The following PID1 variants were observed in gnomAD, a reference collection of about 807,000 sequenced individuals.
PID1 encodes the protein phosphotyrosine interaction domain containing 1.
PID1 carries 10 observed loss-of-function variants against 19.1 expected under a neutral mutation model. The observed-to-expected ratio is 0.52, with a 90% confidence interval of 0.32 to 0.89. The LOEUF is 0.89. Among genes scored for constraint, PID1 ranks in the 40% least tolerant of loss-of-function variants. The pLI is 0.03. For missense variants in PID1, 248 were observed against 285.3 expected (o/e 0.87, Z 0.94); for synonymous variants, 130 against 116.0 (o/e 1.12, Z -0.78).
chr2:229,058,543 A>G (rs1011965630), intron 2 of PID1, among the ~76,000 whole-genome samples: 3 of 152,206 alleles, frequency 2.0e-5, no homozygotes, highest in East Asian at 1.9e-4. Flanking sequence ...TGCATCATAT[A>G]TTCTGTAACT....
intron 2 of PID1, among the ~76,000 whole-genome samples, chr2:229,059,317 A>G (rs975402729): frequency 1.4e-4 from 21 of 152,238 alleles, no homozygotes; most frequent in Non-Finnish European, 1.9e-4. Flanking sequence ...TGAAAAAAGA[A>G]AAACTAAAGC....
chr2:229,094,715 A>G (rs912868736), intron 2 of PID1, among the ~76,000 whole-genome samples: 2 of 152,122 alleles, frequency 1.3e-5, no homozygotes, highest in Non-Finnish European at 2.9e-5. Flanking sequence ...ATGGTGATGG[A>G]AAAACTGAAT....
intron 2 of PID1, among the ~76,000 whole-genome samples, chr2:229,040,928 C>G (rs1215172758): frequency 1.3e-5 from 2 of 152,112 alleles, no homozygotes; most frequent in Non-Finnish European, 2.9e-5. Flanking sequence ...TACAAATATG[C>G]AAAGCAGGGA....
chr2:229,271,171 A>G lies in PID1; in HGVS notation c.-128T>C. The G allele has an allele frequency of 1.9e-6, 2 of 1,079,514 alleles. No individual in the cohort carries two copies. Among genetic ancestry groups the G allele is most frequent in the Non-Finnish European group, 2.6e-6 (2 of 757,974 alleles). 66.9% of individuals were successfully genotyped at this position (1,079,514 alleles called of 1,614,324 possible). A position where few individuals can be genotyped will look rare whatever the true frequency, so the allele number is the denominator to read the frequency against. ...CGGGATGTGCGTCCTGGCGCTGGCC[A>G]CCGCCGCCGGGTGGGCGTAGGGGGC... On this transcript the variant is annotated 5_prime_UTR_variant, in exon 1 of 3. Coordinates refer to ENST00000392055, the MANE Select transcript of PID1 (RefSeq NM_001100818.2).
In PID1 at chr2:229,068,708, T is replaced by C. The variant is rs562902231; in HGVS notation, c.178-42600A>G. Among the ~76,000 whole-genome samples the C allele has an allele frequency of 1.3e-4, 20 of 152,302 alleles. No homozygotes were observed. In the South Asian group the frequency reaches 3.9e-3, roughly 30 times the overall value. ...AGCATGGAGCGGATCAGAGAAGTTA[T>C]GTTCCATGGACACAGGAAGCCGCCC... On this transcript the variant is annotated intron_variant, in intron 2 of 2. Coordinates refer to ENST00000392055, the MANE Select transcript of PID1 (RefSeq NM_001100818.2).
chr2:229,052,112 T>C (rs919104691), intron 2 of PID1, among the ~76,000 whole-genome samples: 1 of 152,180 alleles, frequency 6.6e-6, no homozygotes, highest in African/African-American at 2.4e-5. Context: ...TCCACTTCTC[T>C]ATTTCCAAAT....
chr2:229,034,326 C>A (rs576717426), intron 2 of PID1, among the ~76,000 whole-genome samples: 68 of 152,154 alleles, frequency 4.5e-4, no homozygotes, highest in Non-Finnish European at 8.5e-4. Context: ...AGGTACTTGG[C>A]TAAATGCTTT....
At chr2:229,163,601 T>C (rs577419430) in intron 1 of PID1, among the ~76,000 whole-genome samples, 2 of 147,620 alleles carry the variant, frequency 1.4e-5, no homozygotes, top group East Asian at 3.9e-4. Context: ...CCAAGGCTTG[T>C]GAAGGGCTCA....
At chr2:229,079,305 T>G (rs977855443) in intron 2 of PID1, among the ~76,000 whole-genome samples, 4 of 152,222 alleles carry the variant, frequency 2.6e-5, no homozygotes, top group Non-Finnish European at 4.4e-5. Flanking sequence ...TTCAAAATAT[T>G]TATTCATTGT....
intron 1 of PID1, among the ~76,000 whole-genome samples, chr2:229,204,381 G>A (rs970815600): frequency 6.6e-6 from 1 of 152,194 alleles, no homozygotes; most frequent in African/African-American, 2.4e-5. Context: ...AGTATGATTA[G>A]ACATATACTA....
chr2:229,026,607 C>G (rs1477837215), intron 2 of PID1, among the ~76,000 whole-genome samples: 1 of 152,232 alleles, frequency 6.6e-6, no homozygotes, highest in Non-Finnish European at 1.5e-5. Context: ...AGGCTGCCTG[C>G]TTCTAATGCC....
intron 1 of PID1, among the ~76,000 whole-genome samples, chr2:229,157,457 G>C (rs935459422): frequency 6.6e-6 from 1 of 151,124 alleles, no homozygotes; most frequent in Non-Finnish European, 1.5e-5. Flanking sequence ...TCTTAATAAT[G>C]TTATTTTGAA....
At chr2:229,170,292 C>A (rs1690685388) in intron 1 of PID1, among the ~76,000 whole-genome samples, 1 of 152,232 alleles carries the variant, frequency 6.6e-6, no homozygotes, top group South Asian at 2.1e-4. Context: ...TGGTACTTTA[C>A]AAGGATGTTG....
chr2:229,031,390 C>T (rs373262425), intron 2 of PID1, among the ~76,000 whole-genome samples: 4 of 151,752 alleles, frequency 2.6e-5, no homozygotes, highest in African/African-American at 9.7e-5. Context: ...AAACCCATCT[C>T]TACGAAAAAT....
intron 1 of PID1, among the ~76,000 whole-genome samples, chr2:229,194,390 C>T (rs1691327286): frequency 6.6e-6 from 1 of 151,716 alleles, no homozygotes; most frequent in African/African-American, 2.4e-5. Context: ...ATTCTAAAGA[C>T]TTACTGTGGA....
chr2:229,076,035 A>G (rs1694551170), intron 2 of PID1, among the ~76,000 whole-genome samples: 1 of 152,230 alleles, frequency 6.6e-6, no homozygotes, highest in South Asian at 2.1e-4. Flanking sequence ...CCATTGATCA[A>G]AAGGTGTTCC....
chr2:229,245,089 A>T (rs1689967900), intron 1 of PID1: 1 of 152,076 alleles, frequency 6.6e-6, no homozygotes, highest in South Asian at 2.1e-4. Flanking sequence ...TTTACACTTA[A>T]AAGAGCTGTC....
chr2:229,056,355 G>T (rs1419207846), intron 2 of PID1, among the ~76,000 whole-genome samples: 1 of 152,022 alleles, frequency 6.6e-6, no homozygotes, highest in African/African-American at 2.4e-5. Flanking sequence ...CAGCAATATT[G>T]TGGCCCTAGA....
At chr2:229,141,306 A>G (rs1690006628) in intron 2 of PID1, among the ~76,000 whole-genome samples, 1 of 152,096 alleles carries the variant, frequency 6.6e-6, no homozygotes, top group Non-Finnish European at 1.5e-5. Context: ...TGTTCCTGAT[A>G]GACCAGGATT....
Sources: gnomAD v4.1 joint callset for allele counts (sites outside exome capture counted in the v4.1 genomes callset) on GRCh38, gnomAD v4.1.1 for gene constraint, MANE v1.5 for transcripts, NCBI Gene and HGNC (gene_info 2026-07-23, HGNC 2026-07-21) for gene names.